The following PMS2 variants were observed in gnomAD, a reference collection of about 807,000 sequenced individuals.
PMS2 encodes mismatch repair endonuclease PMS2.
In PMS2, 69 loss-of-function variants were observed where a neutral mutation model predicts 90.0. The observed-to-expected ratio is 0.77, with a 90% CI of 0.63 to 0.94. The LOEUF (loss-of-function observed/expected upper bound fraction) is 0.94, where lower values mean the gene tolerates loss of function less well. PMS2 is among the 40% of genes least tolerant of loss of function. The pLI, the probability that PMS2 is intolerant of heterozygous loss-of-function variation, is 0.00. For missense variants in PMS2, 966 were observed against 1,040.2 expected (o/e 0.93, Z 0.98); for synonymous variants, 332 against 375.1 (o/e 0.89, Z 1.33).
In PMS2 at chr7:5,999,111, C is replaced by T. The variant is rs876660388; in HGVS notation, c.702G>A (p.Lys234=). ...KENIGSVFGQ[K]QLQSLIPFVQ... ...TGAAGTAACCGGCCATCACTACCTGCTTCTGCCCAAACACAGAGCCGATAT... is the reference window on the plus strand; with the variant it reads ...TGAAGTAACCGGCCATCACTACCTGTTTCTGCCCAAACACAGAGCCGATAT... The change falls in exon 6 of 15, where the codon AAG becomes AAA. Residue 234 remains lysine, a synonymous_variant. Coordinates refer to ENST00000265849, the MANE Select transcript of PMS2 (RefSeq NM_000535.7). The T allele has an allele frequency of 2.5e-6, 4 of 1,614,080 alleles. No homozygotes were observed. In the Admixed American group the frequency reaches 6.7e-5, roughly 27 times the overall value.
intron 9 of PMS2, among the ~76,000 whole-genome samples, chr7:5,991,389 T>C (rs1783711274): frequency 6.6e-6 from 1 of 150,494 alleles, no homozygotes; most frequent in African/African-American, 2.4e-5. Flanking sequence ...ATTTTAACAA[T>C]CAGAAAAAAA....
intron 5 of PMS2, among the ~76,000 whole-genome samples, chr7:5,999,695 C>T (rs1006236373): frequency 3.9e-5 from 6 of 152,066 alleles, no homozygotes; most frequent in African/African-American, 1.4e-4. Context: ...ACTGAGGAGG[C>T]TGAGGTGGGA....
chr7:5,985,656 C>T (rs1422863322), intron 11 of PMS2, among the ~76,000 whole-genome samples: 1 of 149,488 alleles, frequency 6.7e-6, no homozygotes, highest in Non-Finnish European at 1.5e-5. Context: ...CGGGTTCAAG[C>T]AATTCTCCTG....
At chr7:5,988,710 C>T (rs528742444) in intron 10 of PMS2, among the ~76,000 whole-genome samples, 3 of 152,138 alleles carry the variant, frequency 2.0e-5, no homozygotes, top group East Asian at 3.8e-4. Flanking sequence ...CACTGTATAG[C>T]GAACGAATAA....
intron 6 of PMS2, 23 bp downstream of exon 6, chr7:5,999,084 GT>G (rs1784780552): frequency 6.2e-7 from 1 of 1,610,524 alleles, no homozygotes; most frequent in African/African-American, 1.3e-5. Flanking sequence ...AATAAGAGGC[GT>G]TGAAGTAACC....
intron 13 of PMS2, among the ~76,000 whole-genome samples, chr7:5,978,274 T>TG (rs1781933325): frequency 6.8e-6 from 1 of 148,126 alleles, no homozygotes; most frequent in African/African-American, 2.5e-5. Context: ...TAGTTCTGAT[T>TG]TTTTTTTTTT....
intron 13 of PMS2, among the ~76,000 whole-genome samples, chr7:5,978,243 C>A (rs1296652031): frequency 2.7e-5 from 4 of 149,872 alleles, no homozygotes; most frequent in Non-Finnish European, 5.9e-5. Context: ...TTATTCCCAG[C>A]TCTAAAAAGA....
rs1064794112 is a variant in PMS2 at position 6,009,023 on chromosome 7, TGCA to T, written c.-7_-5del. 1.9e-6 allele frequency: 3 copies of T among 1,612,396 alleles called. No homozygotes were observed. The African/African-American group carries it at 4.0e-5, about 22-fold the overall frequency. ...TCGAGCTCTCAGCTCGCTCCATGGA[TGCA>T]ACACCCGATCCGCCTCGGGGACTGG... On this transcript the variant is annotated 5_prime_UTR_variant, in exon 1 of 15. Coordinates refer to ENST00000265849, the MANE Select transcript of PMS2 (RefSeq NM_000535.7).
chr7:5,977,137 T>C (rs1428771538), intron 14 of PMS2, among the ~76,000 whole-genome samples: 4 of 151,468 alleles, frequency 2.6e-5, no homozygotes. Context: ...TCACTGCAAG[T>C]TCCGCCTTCT....
At chr7:5,983,755 G>A (rs1327590187) in intron 11 of PMS2, among the ~76,000 whole-genome samples, 2 of 151,318 alleles carry the variant, frequency 1.3e-5, no homozygotes, top group South Asian at 2.1e-4. Flanking sequence ...AGGTTCGAGC[G>A]ATTCTCCTGC....
Position 6,008,891 on chromosome 7 carries a change from C to T in PMS2, c.23+106G>A, listed in dbSNP as rs55652845. 262 of 1,405,206 alleles carry T rather than the reference C, an allele frequency of 1.9e-4. 2 individuals are homozygous for T. In the East Asian group the frequency reaches 3.1e-3, roughly 16 times the overall value. The allele number at this position is 1,405,206 out of a possible 1,614,324, so 87.0% of individuals were successfully genotyped here. ...CGGGGCCTCCAGGGGGCTGCCTCGC[C>T]ACGCGCCTCGGCCATGTTCCCCCCA... On this transcript the variant is annotated intron_variant, in intron 1 of 14. Transcript: ENST00000265849.
At chr7:5,982,777 T>A (rs1782427104) in intron 12 of PMS2, 47 bp downstream of exon 12, 1 of 1,610,658 alleles carries the variant, frequency 6.2e-7, no homozygotes, top group Non-Finnish European at 8.5e-7. Flanking sequence ...CTCTATTAGA[T>A]CTTCAATTTG....
intron 12 of PMS2, among the ~76,000 whole-genome samples, chr7:5,982,456 G>A (rs1316278112): frequency 6.6e-5 from 10 of 151,988 alleles, no homozygotes; most frequent in Non-Finnish European, 1.0e-4. Flanking sequence ...TGCCCACCTC[G>A]GCCTCCCAAA....
At position 5,995,440 on chromosome 7, in the gene PMS2, C is replaced by T. The variant is rs111435898; in HGVS notation, c.903+94G>A. 20 of 783,740 alleles carry T rather than the reference C, an allele frequency of 2.6e-5. 1 individual carries two copies. Among genetic ancestry groups the T allele is most frequent in the African/African-American group, 2.1e-4 (12 of 58,366 alleles). The allele number at this position is 783,740 out of a possible 1,614,324, so 48.5% of individuals were successfully genotyped here. Reference sequence around the variant, plus strand: ...GTTAAAGCCATGTTTCTCAAAGTCCCGAGCTCCACGTAAACTGCCTATTAT... The same window carrying T: ...GTTAAAGCCATGTTTCTCAAAGTCCTGAGCTCCACGTAAACTGCCTATTAT... On this transcript the variant is annotated intron_variant, in intron 8 of 14. Transcript: ENST00000265849.
chr7:6,002,609 T>C lies in PMS2; in HGVS notation c.381A>G (p.Ala127=), dbSNP rs1060504835. 4.3e-6 allele frequency: 7 copies of C among 1,611,856 alleles called. No individual in the cohort carries two copies. Among genetic ancestry groups the C allele is most frequent in the East Asian group, 2.2e-5 (1 of 44,894 alleles). The change falls in exon 5 of 15, where the codon GCA becomes GCG. Residue 127 remains alanine, a synonymous_variant. Coordinates refer to ENST00000265849, the MANE Select transcript of PMS2 (RefSeq NM_000535.7). ...TCAGTCGAGTTCCAACCTTCGCCGA[T>C]GCGTGGCAGGTAGAAATGGTGACAT... ...LSDVTISTCH[A]SAKVGTRLMF... is the part of the protein sequence containing the mutation.
chr7:6,005,842 A>T (rs1183355259), intron 2 of PMS2, 50 bp downstream of exon 2: 2 of 1,609,698 alleles, frequency 1.2e-6, no homozygotes, highest in South Asian at 2.2e-5. Flanking sequence ...TCTTAACTAC[A>T]ACAACATTCA....
In PMS2 at chr7:5,977,858, G is replaced by A. The variant is rs1320516844; in HGVS notation, c.2276-101C>T. On this transcript the variant is annotated intron_variant, in intron 13 of 14. Coordinates refer to ENST00000265849, the MANE Select transcript of PMS2 (RefSeq NM_000535.7). ...TCTGAGGCCGGGCGTGGTGGCTCAC[G>A]CCTGTAATCCCTGCACTTTGGGAGG... 20 of 1,538,608 alleles carry A rather than the reference G, an allele frequency of 1.3e-5. 1 individual carries two copies. The African/African-American group carries it at 1.5e-4, about 12-fold the overall frequency.
intron 5 of PMS2, chr7:6,002,100 G>C: frequency 3.6e-6 from 1 of 281,346 alleles, no homozygotes; most frequent in Non-Finnish European, 6.9e-6. Context: ...CGCAATCATA[G>C]CTCACTGCAG....
rs2128674810 is a variant in PMS2, at chr7:5,977,705, C to A, written c.2328G>T (p.Trp776Cys). 1.9e-6 allele frequency: 3 copies of A among 1,606,522 alleles called. No homozygotes were observed. The highest frequency in any genetic ancestry group is 1.7e-6 in the Non-Finnish European group (2 of 1,174,950). Residue 776 changes from tryptophan (W) to cysteine (C), a missense_variant, in exon 14 of 15, where the codon TGG (tryptophan) becomes TGT (cysteine). By Grantham distance (215) the Trp-to-Cys change is radical (BLOSUM62 -2). Around this residue, in one of 2 missense-constraint regions of PMS2, gnomAD observed 95 missense variants for 237.8 expected, o/e 0.40. Transcript: ENST00000265849. ...KLISLPTSKN[W>C]TFGPQDVDEL... ...CATCGACGTCCTGGGGTCCGAAGGT[C>A]CAGTTTTTACTAGTTGGCAAGGAAA...
Sources: gnomAD v4.1 joint callset for allele counts (sites outside exome capture counted in the v4.1 genomes callset) on GRCh38, gnomAD v4.1.1 for gene constraint, gnomAD v4.1.1 regional missense constraint, MANE v1.5 for transcripts, NCBI Gene and HGNC (gene_info 2026-07-23, HGNC 2026-07-21) for gene names.